The following UNC5D variants were observed in gnomAD, a reference collection of about 807,000 sequenced individuals.
UNC5D encodes netrin receptor UNC5D.
In UNC5D, 39 loss-of-function variants were observed where a neutral mutation model predicts 105.4. The ratio of observed to expected loss-of-function variants is 0.37; its 90% CI spans 0.29 to 0.48. The LOEUF (loss-of-function observed/expected upper bound fraction) is 0.48, where lower values mean the gene tolerates loss of function less well. Ranked by LOEUF, UNC5D falls within the 20% of genes least tolerant of loss-of-function variation. The pLI is 0.98. For synonymous variants in UNC5D, 452 were observed against 450.4 expected (o/e 1.00, Z -0.04); for missense variants, 991 against 1,202.4 (o/e 0.82, Z 2.60).
chr8:35,386,365 A>T (rs1803397912), intron 1 of UNC5D, among the ~76,000 whole-genome samples: 1 of 152,224 alleles, frequency 6.6e-6, no homozygotes, highest in South Asian at 2.1e-4. Flanking sequence ...TTAAATAGGA[A>T]AATCACTCAG....
chr8:35,442,852 A>G (rs1807499285), intron 1 of UNC5D, among the ~76,000 whole-genome samples: 1 of 149,464 alleles, frequency 6.7e-6, no homozygotes, highest in African/African-American at 2.5e-5. Context: ...TCTATTTCTT[A>G]CACCATCTCT....
At chr8:35,430,662 G>A (rs1002131660) in intron 1 of UNC5D, among the ~76,000 whole-genome samples, 9 of 152,134 alleles carry the variant, frequency 5.9e-5, no homozygotes, top group Admixed American at 5.2e-4. Flanking sequence ...CCCAGCTGGT[G>A]TCCTCTGTAG....
At chr8:35,323,558 T>C (rs1406486341) in intron 1 of UNC5D, among the ~76,000 whole-genome samples, 1 of 152,182 alleles carries the variant, frequency 6.6e-6, no homozygotes, top group Non-Finnish European at 1.5e-5. Flanking sequence ...CACCAAGCAT[T>C]GTGATAGGCA....
intron 16 of UNC5D, among the ~76,000 whole-genome samples, chr8:35,784,765 T>A (rs1368139736): frequency 6.6e-6 from 1 of 151,924 alleles, no homozygotes; most frequent in African/African-American, 2.4e-5. Context: ...AAATAATTAA[T>A]AAAAAATAGA....
chr8:35,616,865 A>G (rs973797228), intron 4 of UNC5D, among the ~76,000 whole-genome samples: 1 of 152,250 alleles, frequency 6.6e-6, no homozygotes, highest in Non-Finnish European at 1.5e-5. Flanking sequence ...GAAACCTCAT[A>G]TAAGAAAAGG....
intron 1 of UNC5D, among the ~76,000 whole-genome samples, chr8:35,336,119 A>C (rs1288931269): frequency 3.9e-5 from 6 of 152,152 alleles, no homozygotes; most frequent in African/African-American, 1.2e-4. Flanking sequence ...AGGATGTGTA[A>C]TCAGTTTAAT....
chr8:35,498,570 T>C (rs958081466), intron 1 of UNC5D, among the ~76,000 whole-genome samples: 1 of 152,062 alleles, frequency 6.6e-6, no homozygotes, highest in Non-Finnish European at 1.5e-5. Context: ...AACTGGATGC[T>C]CCTCCAGTGT....
intron 1 of UNC5D, among the ~76,000 whole-genome samples, chr8:35,249,361 C>T (rs1351807514): frequency 1.3e-5 from 2 of 149,312 alleles, no homozygotes; most frequent in Non-Finnish European, 3.0e-5. Flanking sequence ...AGTTCGAGAT[C>T]AGAGTGGCTA....
intron 1 of UNC5D, chr8:35,255,125 C>A (rs1403220140): frequency 6.6e-6 from 1 of 152,142 alleles, no homozygotes; most frequent in Non-Finnish European, 1.5e-5. Flanking sequence ...TCTTAGTCGC[C>A]ACCATTTTGG....
At chr8:35,452,944 G>C (rs1465857380) in intron 1 of UNC5D, among the ~76,000 whole-genome samples, 1 of 151,968 alleles carries the variant, frequency 6.6e-6, no homozygotes. Flanking sequence ...TTTACTACTG[G>C]GGCCTTCAGT....
chr8:35,424,945 G>T (rs71513757), intron 1 of UNC5D, among the ~76,000 whole-genome samples: 4,834 of 152,228 alleles, frequency 0.032, 119 homozygotes, highest in Non-Finnish European at 0.048. Flanking sequence ...GATAGTGATG[G>T]GGATGTTTGT....
rs148076887 is a variant in UNC5D at position 35,713,701 on chromosome 8, C to A, written c.1117+7740C>A. Among the ~76,000 whole-genome samples the A allele has an allele frequency of 1.8e-4, 27 of 152,212 alleles. No individual in the cohort carries two copies. The South Asian group carries it at 4.1e-3, about 23-fold the overall frequency. ...TATCAAAAATATTTTATAAAATAGA[C>A]GACCTTTGTTGCCAACCTTGGAAGG... is the stretch of plus-strand genomic sequence containing the variant. On this transcript the variant is annotated intron_variant, in intron 8 of 16. Coordinates refer to ENST00000404895, the MANE Select transcript of UNC5D (RefSeq NM_080872.4).
intron 7 of UNC5D, among the ~76,000 whole-genome samples, chr8:35,687,414 C>G (rs540407686): frequency 6.8e-6 from 1 of 148,042 alleles, no homozygotes; most frequent in Admixed American, 6.8e-5. Flanking sequence ...TGCACTCCAG[C>G]CTGGGCAACA....
intron 11 of UNC5D, among the ~76,000 whole-genome samples, chr8:35,747,416 C>T: frequency 6.6e-6 from 1 of 152,122 alleles, no homozygotes; most frequent in East Asian, 1.9e-4. Context: ...TAAATTTTAT[C>T]TTTATTTTGC....
chr8:35,271,688 CATGT>C (rs1201552862), intron 1 of UNC5D, among the ~76,000 whole-genome samples: 1 of 9,376 alleles, frequency 1.1e-4, no homozygotes, highest in African/African-American at 1.7e-4. Context: ...TATATGTATA[CATGT>C]ATACATGTAT....
At chr8:35,687,994 T>A (rs1826134262) in intron 7 of UNC5D, among the ~76,000 whole-genome samples, 1 of 151,916 alleles carries the variant, frequency 6.6e-6, no homozygotes, top group Non-Finnish European at 1.5e-5. Flanking sequence ...TAGCTGGGCG[T>A]GGTGGCAGGC....
At chr8:35,607,736 C>A (rs1820398660) in intron 4 of UNC5D, among the ~76,000 whole-genome samples, 1 of 151,906 alleles carries the variant, frequency 6.6e-6, no homozygotes, top group Non-Finnish European at 1.5e-5. Context: ...TTGATGGGCA[C>A]TTCTCCTTCC....
intron 1 of UNC5D, among the ~76,000 whole-genome samples, chr8:35,410,912 C>T (rs945392194): frequency 2.6e-5 from 4 of 152,138 alleles, no homozygotes; most frequent in Non-Finnish European, 5.9e-5. Flanking sequence ...TTCCTTTGCA[C>T]GCTATCATGA....
At chr8:35,712,006 G>A (rs1334209522) in intron 8 of UNC5D, among the ~76,000 whole-genome samples, 1 of 152,068 alleles carries the variant, frequency 6.6e-6, no homozygotes, top group Non-Finnish European at 1.5e-5. Flanking sequence ...AAGAAAATTG[G>A]CCATGCCTGT....
Sources: gnomAD v4.1 joint callset for allele counts (sites outside exome capture counted in the v4.1 genomes callset) on GRCh38, gnomAD v4.1.1 for gene constraint, MANE v1.5 for transcripts, NCBI Gene and HGNC (gene_info 2026-07-23, HGNC 2026-07-21) for gene names.